Variants in SGCZ observed in about 807,000 individuals in gnomAD.
SGCZ encodes zeta-sarcoglycan.
In SGCZ, 40 loss-of-function variants were observed where a neutral mutation model predicts 41.3. The observed-to-expected ratio is 0.97, with a 90% CI of 0.75 to 1.26. The LOEUF (loss-of-function observed/expected upper bound fraction) is 1.26. SGCZ is among the 50% of genes most tolerant of loss of function. The pLI is 0.00. For synonymous variants in SGCZ, 206 were observed against 137.5 expected (o/e 1.50, Z -3.49); for missense variants, 552 against 369.8 (o/e 1.49, Z -4.04).
rs920650223 is a variant in SGCZ, at chr8:14,273,500, A to G, written c.337-35821T>C. Among the ~76,000 whole-genome samples the G allele has an allele frequency of 7.9e-5, 12 of 152,270 alleles. 1 individual carries two copies. Among genetic ancestry groups the G allele is most frequent in the African/African-American group, 2.6e-4 (11 of 41,570 alleles). On this transcript the variant is annotated intron_variant, in intron 3 of 7. Coordinates refer to ENST00000382080, the MANE Select transcript of SGCZ (RefSeq NM_139167.4). ...TTGCAAATGAAGTAGTGCTCATCCG[A>G]TCTTCTGATGGATTTCCCAATCCTC...
Position 14,768,934 on chromosome 8 carries a change from C to G in SGCZ, c.40-214008G>C, listed in dbSNP as rs981041068. Among the ~76,000 whole-genome samples, 27 of 152,092 alleles carry G rather than the reference C, an allele frequency of 1.8e-4. No individual in the cohort carries two copies. In the Middle Eastern group the frequency reaches 0.014, roughly 77 times the overall value. On this transcript the variant is annotated intron_variant, in intron 1 of 7. Coordinates refer to ENST00000382080, the MANE Select transcript of SGCZ (RefSeq NM_139167.4). ...GAATATCCAGAAATGGAACTGGCAG[C>G]ATTATAGATCTTAAATCCTGATCAT... is the stretch of plus-strand genomic sequence containing the variant.
intron 1 of SGCZ, among the ~76,000 whole-genome samples, chr8:15,212,144 A>T (rs1220415711): frequency 6.6e-6 from 1 of 152,142 alleles, no homozygotes; most frequent in Non-Finnish European, 1.5e-5. Context: ...CTAAATAACA[A>T]TATGTTCAAA....
At chr8:14,875,846 T>C (rs532319759) in intron 1 of SGCZ, among the ~76,000 whole-genome samples, 1 of 152,254 alleles carries the variant, frequency 6.6e-6, no homozygotes, top group African/African-American at 2.4e-5. Context: ...ACAATTTAGT[T>C]GGTTGAAAAA....
At chr8:14,321,894 G>C (rs1367364031) in intron 3 of SGCZ, among the ~76,000 whole-genome samples, 2 of 152,050 alleles carry the variant, frequency 1.3e-5, no homozygotes, top group Non-Finnish European at 2.9e-5. Context: ...CTTAACCTAA[G>C]AGTTAAGCAC....
At chr8:14,605,594 C>T (rs1479702912) in intron 1 of SGCZ, among the ~76,000 whole-genome samples, 2 of 152,154 alleles carry the variant, frequency 1.3e-5, no homozygotes, top group African/African-American at 4.8e-5. Context: ...AACCAACATT[C>T]TAGTCTCTAT....
chr8:14,400,886 A>G (rs1378221020), intron 2 of SGCZ, among the ~76,000 whole-genome samples: 1 of 152,192 alleles, frequency 6.6e-6, no homozygotes, highest in Non-Finnish European at 1.5e-5. Context: ...AAGAGTTTAA[A>G]TTAATTTATG....
chr8:14,499,411 TC>T (rs1448389098), intron 2 of SGCZ, among the ~76,000 whole-genome samples: 1 of 152,044 alleles, frequency 6.6e-6, no homozygotes. Context: ...TCTTTCTTCA[TC>T]TTTTTGGTTT....
intron 1 of SGCZ, among the ~76,000 whole-genome samples, chr8:14,884,593 C>T (rs758849428): frequency 6.5e-4 from 99 of 151,796 alleles, no homozygotes; most frequent in Non-Finnish European, 1.3e-3. Context: ...AGGAACTACT[C>T]TCATGGTTTT....
At chr8:14,549,393 C>G (rs77296092) in intron 2 of SGCZ, among the ~76,000 whole-genome samples, 2,375 of 151,922 alleles carry the variant, frequency 0.016, 54 homozygotes, top group African/African-American at 0.054. Flanking sequence ...TCATAGGAGA[C>G]AAGGACATTC....
chr8:14,484,161 T>C (rs13279691), intron 2 of SGCZ, among the ~76,000 whole-genome samples: 116,579 of 152,182 alleles, frequency 0.77, 44,823 homozygotes, highest in East Asian at 0.87. Flanking sequence ...TACACTATAT[T>C]TATTAAGATT....
chr8:14,142,171 G>T (rs1803391227), intron 5 of SGCZ, among the ~76,000 whole-genome samples: 1 of 152,166 alleles, frequency 6.6e-6, no homozygotes, highest in African/African-American at 2.4e-5. Flanking sequence ...CTGTCGAGGG[G>T]TGGAGGCATG....
intron 1 of SGCZ, among the ~76,000 whole-genome samples, chr8:15,110,745 G>A (rs1277552594): frequency 6.6e-6 from 1 of 152,146 alleles, no homozygotes; most frequent in Non-Finnish European, 1.5e-5. Context: ...AAGGCGGGCG[G>A]ATCACCTGAG....
intron 2 of SGCZ, among the ~76,000 whole-genome samples, chr8:14,380,330 C>G (rs543274153): frequency 6.6e-6 from 1 of 152,208 alleles, no homozygotes; most frequent in Admixed American, 6.5e-5. Context: ...ATTCTTCAAT[C>G]AATATTAGAT....
chr8:14,962,339 T>C (rs1338341913), intron 1 of SGCZ, among the ~76,000 whole-genome samples: 1 of 151,884 alleles, frequency 6.6e-6, no homozygotes. Context: ...TATTACCCTT[T>C]TAACAAGGAA....
chr8:14,676,835 T>C (rs547172099), intron 1 of SGCZ, among the ~76,000 whole-genome samples: 10 of 152,198 alleles, frequency 6.6e-5, no homozygotes, highest in African/African-American at 2.4e-4. Flanking sequence ...ATAATATCTG[T>C]AAAAAACGTA....
chr8:14,971,374 C>T (rs1299477142), intron 1 of SGCZ, among the ~76,000 whole-genome samples: 5 of 152,066 alleles, frequency 3.3e-5, no homozygotes, highest in African/African-American at 1.2e-4. Flanking sequence ...AGCATTACGT[C>T]TTTCATCTTT....
chr8:14,971,352 T>C (rs1801291300), intron 1 of SGCZ, among the ~76,000 whole-genome samples: 1 of 152,168 alleles, frequency 6.6e-6, no homozygotes, highest in Non-Finnish European at 1.5e-5. Flanking sequence ...TTGTTCCTCA[T>C]ATTAGGAGAA....
intron 1 of SGCZ, among the ~76,000 whole-genome samples, chr8:15,117,760 A>G (rs1242039696): frequency 1.3e-5 from 2 of 152,218 alleles, no homozygotes; most frequent in Non-Finnish European, 2.9e-5. Context: ...TAATTTAACC[A>G]CTCAGAAAAT....
At chr8:14,241,746 G>A (rs1469802215) in intron 3 of SGCZ, among the ~76,000 whole-genome samples, 1 of 152,072 alleles carries the variant, frequency 6.6e-6, no homozygotes, top group Non-Finnish European at 1.5e-5. Flanking sequence ...AAGGCAACGA[G>A]ACTGTTAAGT....
Sources: gnomAD v4.1 joint callset for allele counts (sites outside exome capture counted in the v4.1 genomes callset) on GRCh38, gnomAD v4.1.1 for gene constraint, MANE v1.5 for transcripts, NCBI Gene and HGNC (gene_info 2026-07-23, HGNC 2026-07-21) for gene names.